IMMP2L: variants seen among roughly 807,000 people sequenced by gnomAD.
IMMP2L encodes the protein mitochondrial inner membrane protease subunit 2.
A neutral mutation model predicts 19.3 loss-of-function variants in IMMP2L; 18 were observed. The ratio of observed to expected loss-of-function variants is 0.93; its 90% confidence interval spans 0.64 to 1.38. The LOEUF (loss-of-function observed/expected upper bound fraction) is 1.38. IMMP2L is among the 40% of genes most tolerant of loss of function. The probability of loss-of-function intolerance (pLI) is 0.00; values close to 1 mark genes in which losing one functional copy is unlikely to be tolerated. For missense variants in IMMP2L, 233 were observed against 218.2 expected (o/e 1.07, Z -0.43); for synonymous variants, 76 against 73.0 (o/e 1.04, Z -0.21).
chr7:110,719,008 ACCTATTCCCTG>A (rs1197970794), intron 5 of IMMP2L, among the ~76,000 whole-genome samples: 1 of 152,138 alleles, frequency 6.6e-6, no homozygotes, highest in Admixed American at 6.5e-5. Context: ...ACCCCCTCCA[ACCTATTCCCTG>A]CCTGTGCTCC....
intron 3 of IMMP2L, among the ~76,000 whole-genome samples, chr7:110,989,970 A>G (rs1188226484): frequency 6.6e-6 from 1 of 152,106 alleles, no homozygotes. Context: ...TGTCCCACCA[A>G]TTCTCTGTTG....
At chr7:110,941,297 GT>G in intron 4 of IMMP2L, among the ~76,000 whole-genome samples, 1 of 152,258 alleles carries the variant, frequency 6.6e-6, no homozygotes, top group East Asian at 1.9e-4. Context: ...TATAACTTCT[GT>G]TGCTCAGCAT....
intron 3 of IMMP2L, among the ~76,000 whole-genome samples, chr7:111,174,163 C>T (rs1425285746): frequency 1.3e-5 from 2 of 151,648 alleles, no homozygotes; most frequent in Non-Finnish European, 3.0e-5. Flanking sequence ...AATAATACTA[C>T]AATCATCAGT....
intron 5 of IMMP2L, among the ~76,000 whole-genome samples, chr7:110,879,694 G>A (rs1411996298): frequency 6.6e-6 from 1 of 152,036 alleles, no homozygotes; most frequent in Admixed American, 6.6e-5. Context: ...TGTCTTAATA[G>A]TTCTGCAGAT....
chr7:111,388,021 T>C (rs1308449228), intron 3 of IMMP2L, among the ~76,000 whole-genome samples: 1 of 148,958 alleles, frequency 6.7e-6, no homozygotes, highest in Non-Finnish European at 1.5e-5. Context: ...AATAACCCCA[T>C]TTTTAATAGA....
intron 3 of IMMP2L, among the ~76,000 whole-genome samples, chr7:111,162,979 T>C (rs1374941440): frequency 6.6e-6 from 1 of 152,090 alleles, no homozygotes; most frequent in Non-Finnish European, 1.5e-5. Flanking sequence ...GAACTTGCTG[T>C]TTGTTTCAGC....
chr7:111,345,284 G>A (rs565219459), intron 3 of IMMP2L, among the ~76,000 whole-genome samples: 1 of 152,094 alleles, frequency 6.6e-6, no homozygotes, highest in South Asian at 2.1e-4. Flanking sequence ...TATTTTAGTT[G>A]TGCTTCATTA....
chr7:110,993,314 G>T (rs999568184), intron 3 of IMMP2L, among the ~76,000 whole-genome samples: 27 of 152,050 alleles, frequency 1.8e-4, no homozygotes, highest in African/African-American at 6.5e-4. Flanking sequence ...TACAATCATG[G>T]TTCCTATGTC....
At chr7:111,494,998 G>A (rs112218694) in intron 2 of IMMP2L, among the ~76,000 whole-genome samples, 2 of 151,988 alleles carry the variant, frequency 1.3e-5, no homozygotes, top group African/African-American at 4.8e-5. Context: ...ATGCTTTTAT[G>A]TGGGGCCTTA....
intron 3 of IMMP2L, among the ~76,000 whole-genome samples, chr7:111,134,796 G>A (rs1025607148): frequency 2.6e-5 from 4 of 151,954 alleles, no homozygotes; most frequent in African/African-American, 9.7e-5. Context: ...ACCTTCCTGT[G>A]ACATTTAAAA....
At chr7:110,691,710 G>A (rs1369859884) in intron 5 of IMMP2L, among the ~76,000 whole-genome samples, 1 of 151,902 alleles carries the variant, frequency 6.6e-6, no homozygotes, top group Non-Finnish European at 1.5e-5. Context: ...ATGAAAAAAT[G>A]CACATCACTA....
intron 5 of IMMP2L, among the ~76,000 whole-genome samples, chr7:110,745,095 C>T (rs1420484408): frequency 6.6e-6 from 1 of 152,042 alleles, no homozygotes; most frequent in Non-Finnish European, 1.5e-5. Flanking sequence ...ACGAGAATTT[C>T]GTGAAGCATA....
intron 3 of IMMP2L, among the ~76,000 whole-genome samples, chr7:111,268,464 T>G: frequency 7.0e-6 from 1 of 141,950 alleles, no homozygotes. Context: ...GTTTCAAAAA[T>G]TTTGTTTTTG....
intron 5 of IMMP2L, among the ~76,000 whole-genome samples, chr7:110,862,655 T>C (rs1585063491): frequency 6.6e-6 from 1 of 151,964 alleles, no homozygotes; most frequent in African/African-American, 2.4e-5. Context: ...TAAAATTTAA[T>C]AGAAAAAAAA....
intron 3 of IMMP2L, among the ~76,000 whole-genome samples, chr7:111,077,123 G>A (rs1260123119): frequency 6.6e-6 from 1 of 152,112 alleles, no homozygotes; most frequent in Non-Finnish European, 1.5e-5. Flanking sequence ...TCTTCTGCTG[G>A]TTGCATAGTT....
intron 5 of IMMP2L, among the ~76,000 whole-genome samples, chr7:110,762,315 C>T (rs1798398429): frequency 6.6e-6 from 1 of 151,812 alleles, no homozygotes; most frequent in African/African-American, 2.4e-5. Flanking sequence ...ATTATAACTA[C>T]AAAATTTTAA....
At chr7:111,147,544 G>C (rs1431648411) in intron 3 of IMMP2L, among the ~76,000 whole-genome samples, 1 of 152,000 alleles carries the variant, frequency 6.6e-6, no homozygotes, top group Non-Finnish European at 1.5e-5. Flanking sequence ...TATCCAGTAG[G>C]TCACTTTAGT....
At position 111,061,109 on chromosome 7, in the gene IMMP2L, C is replaced by T. The variant is rs187341400; in HGVS notation, c.240-97544G>A. ...TATGCGTGAAGTCTGGCTATTTAAT[C>T]ACCTGAGACGGAGGAGTTTCATGCT... On this transcript the variant is annotated intron_variant, in intron 3 of 5. Transcript: ENST00000405709. Among the ~76,000 whole-genome samples, 21 of 152,278 alleles carry T rather than the reference C, an allele frequency of 1.4e-4. No individual in the cohort carries two copies. In the East Asian group the frequency reaches 4.0e-3, roughly 29 times the overall value.
intron 3 of IMMP2L, among the ~76,000 whole-genome samples, chr7:111,206,742 T>C (rs1281433714): frequency 6.6e-6 from 1 of 152,192 alleles, no homozygotes; most frequent in Non-Finnish European, 1.5e-5. Context: ...GTAGATCTTA[T>C]TCATTCTTTC....
Sources: allele counts gnomAD v4.1 joint callset (sites outside exome capture counted in the v4.1 genomes callset), GRCh38; gene constraint gnomAD v4.1.1; transcripts MANE v1.5; gene names NCBI Gene and HGNC (gene_info 2026-07-23, HGNC 2026-07-21).